KIAA1217: variants seen among roughly 807,000 people sequenced by gnomAD.
KIAA1217 encodes sickle tail protein homolog.
KIAA1217 carries 88 observed loss-of-function variants against 163.9 expected under a neutral mutation model. That is an observed-to-expected ratio of 0.54 (90% CI 0.45 to 0.64). The LOEUF is 0.64. Ranked by LOEUF, KIAA1217 falls within the 30% of genes least tolerant of loss-of-function variation. The pLI is 0.00. For missense variants in KIAA1217, 2,372 were observed against 2,475.0 expected, an observed-to-expected ratio of 0.96 and a Z score of 0.88; for synonymous variants, 903 against 923.1, an observed-to-expected ratio of 0.98 and a Z score of 0.39.
At chr10:24,411,246 A>G (rs1205362067) in intron 3 of KIAA1217, among the ~76,000 whole-genome samples, 1 of 152,180 alleles carries the variant, frequency 6.6e-6, no homozygotes, top group Non-Finnish European at 1.5e-5. Flanking sequence ...TGTGTGACTG[A>G]GTTCCTACTT....
intron 1 of KIAA1217, among the ~76,000 whole-genome samples, chr10:23,839,149 C>T (rs1420859127): frequency 6.6e-6 from 1 of 152,046 alleles, no homozygotes; most frequent in Non-Finnish European, 1.5e-5. Context: ...CTTCTCCTAT[C>T]TTCTTATTTT....
chr10:24,024,651 A>T (rs1007944079), intron 2 of KIAA1217, among the ~76,000 whole-genome samples: 7 of 151,706 alleles, frequency 4.6e-5, no homozygotes, highest in Non-Finnish European at 5.9e-5. Flanking sequence ...AACCTGTTTA[A>T]AAGGTGGTTG....
rs547533427 is a variant in KIAA1217 at position 23,773,762 on chromosome 10, T to C, written c.-321+78528T>C. Among the ~76,000 whole-genome samples, 3 of 152,266 alleles carry C rather than the reference T, an allele frequency of 2.0e-5. No homozygotes were observed. The East Asian group carries it at 5.8e-4, about 29-fold the overall frequency. ...AGTTCACTCATGATTTGGCTCTCTGTCTGTTCTTGGTGTATAAGAATGCTT... is the reference window on the plus strand; with the variant it reads ...AGTTCACTCATGATTTGGCTCTCTGCCTGTTCTTGGTGTATAAGAATGCTT... On this transcript the variant is annotated intron_variant, in intron 1 of 18. Coordinates refer to the KIAA1217 transcript ENST00000376462.
At chr10:24,038,185 G>A (rs531342953) in intron 2 of KIAA1217, among the ~76,000 whole-genome samples, 1 of 152,238 alleles carries the variant, frequency 6.6e-6, no homozygotes, top group Admixed American at 6.5e-5. Context: ...ATGGCCCTGT[G>A]TTCAGCCTTT....
chr10:23,859,799 G>A (rs971570368), intron 1 of KIAA1217, among the ~76,000 whole-genome samples: 1 of 151,620 alleles, frequency 6.6e-6, no homozygotes, highest in Admixed American at 6.6e-5. Context: ...CCTCATTAAA[G>A]TGTCACTGTG....
chr10:24,510,517 A>G (rs548615315), intron 9 of KIAA1217, among the ~76,000 whole-genome samples: 2 of 152,284 alleles, frequency 1.3e-5, no homozygotes, highest in South Asian at 2.1e-4. Context: ...GAAATTCCCA[A>G]CAACCAGACG....
intron 2 of KIAA1217, among the ~76,000 whole-genome samples, chr10:24,187,938 C>T (rs2066520935): frequency 1.3e-5 from 2 of 152,042 alleles, no homozygotes; most frequent in Non-Finnish European, 1.5e-5. Context: ...TGGCTGATGC[C>T]TGTAATCCCA....
chr10:24,501,395 T>A lies in KIAA1217; in HGVS notation c.1851T>A (p.Ser617=). The change falls in exon 9 of 21, where the codon TCT becomes TCA. Residue 617 remains serine (S), a synonymous_variant. Coordinates refer to ENST00000376454, the MANE Select transcript of KIAA1217 (RefSeq NM_019590.5). ...HTDSAGTPHV[S]GGKMLSALES... ...TTCTCATAGGAACGCCCCATGTGTCTGGTGGGAAGATGCTCAGTGCTCTGG... is the reference window on the plus strand; with the variant it reads ...TTCTCATAGGAACGCCCCATGTGTCAGGTGGGAAGATGCTCAGTGCTCTGG... 4 of 1,610,466 alleles carry A rather than the reference T, an allele frequency of 2.5e-6. No individual in the cohort carries two copies. Among genetic ancestry groups the A allele is most frequent in the Non-Finnish European group, 2.5e-6 (3 of 1,177,132 alleles).
At chr10:23,792,459 CCTCTTTTTA>C (rs1564426249) in intron 1 of KIAA1217, among the ~76,000 whole-genome samples, 1 of 151,598 alleles carries the variant, frequency 6.6e-6, no homozygotes. Flanking sequence ...AAAATATTAA[CCTCTTTTTA>C]CTCTTTTTAT....
intron 2 of KIAA1217, among the ~76,000 whole-genome samples, chr10:24,364,944 A>T (rs1225774895): frequency 6.6e-6 from 1 of 151,914 alleles, no homozygotes; most frequent in East Asian, 1.9e-4. Flanking sequence ...GACTACAGGC[A>T]CTTGTCACCA....
chr10:24,101,387 CTAAAATT>C (rs2062409456), intron 2 of KIAA1217, among the ~76,000 whole-genome samples: 1 of 152,012 alleles, frequency 6.6e-6, no homozygotes, highest in African/African-American at 2.4e-5. Flanking sequence ...AAAAAAAGTT[CTAAAATT>C]TGTTTTTAAG....
At chr10:23,883,847 A>G (rs1841058833) in intron 1 of KIAA1217, among the ~76,000 whole-genome samples, 2 of 151,948 alleles carry the variant, frequency 1.3e-5, no homozygotes, top group Admixed American at 1.3e-4. Context: ...TGCCTTTCCC[A>G]GAATGTCATG....
chr10:24,373,442 G>A (rs2051994027), intron 2 of KIAA1217, among the ~76,000 whole-genome samples: 1 of 152,242 alleles, frequency 6.6e-6, no homozygotes, highest in South Asian at 2.1e-4. Context: ...CTTCAGAGTG[G>A]CCTCTGTAGC....
chr10:24,291,283 C>G (rs372819807), intron 2 of KIAA1217, among the ~76,000 whole-genome samples: 37 of 152,232 alleles, frequency 2.4e-4, no homozygotes, highest in African/African-American at 2.9e-4. Flanking sequence ...AGTCCCAGCA[C>G]TTTGAGAGGC....
At chr10:23,783,508 T>C (rs887753810) in intron 1 of KIAA1217, among the ~76,000 whole-genome samples, 1 of 152,210 alleles carries the variant, frequency 6.6e-6, no homozygotes, top group Admixed American at 6.5e-5. Flanking sequence ...ATAAGAGATA[T>C]TGACTTATAG....
At chr10:23,807,954 C>G (rs1012240695) in intron 1 of KIAA1217, among the ~76,000 whole-genome samples, 3 of 152,192 alleles carry the variant, frequency 2.0e-5, no homozygotes, top group Non-Finnish European at 4.4e-5. Flanking sequence ...GAAAGGGCTG[C>G]CTTGTCAATT....
chr10:23,857,088 A>C (rs59100149), intron 1 of KIAA1217, among the ~76,000 whole-genome samples: 471 of 152,194 alleles, frequency 3.1e-3, no homozygotes, highest in African/African-American at 0.011. Flanking sequence ...TGCAGAAATC[A>C]CCCGTCTTCT....
chr10:23,848,086 A>T (rs1564472224), intron 1 of KIAA1217, among the ~76,000 whole-genome samples: 2 of 151,522 alleles, frequency 1.3e-5, no homozygotes, highest in South Asian at 4.1e-4. Flanking sequence ...AGAGACTGTT[A>T]TGATTTCCAT....
At chr10:24,411,465 C>G (rs1050731427) in intron 3 of KIAA1217, among the ~76,000 whole-genome samples, 2 of 152,090 alleles carry the variant, frequency 1.3e-5, no homozygotes, top group Non-Finnish European at 2.9e-5. Context: ...CTTACATTCC[C>G]AAGACCCTTG....
Sources: allele counts gnomAD v4.1 joint callset (sites outside exome capture counted in the v4.1 genomes callset), GRCh38; gene constraint gnomAD v4.1.1; transcripts MANE v1.5; gene names NCBI Gene and HGNC (gene_info 2026-07-23, HGNC 2026-07-21).